The following VTI1A variants were observed in gnomAD, a reference collection of about 807,000 sequenced individuals.
The protein encoded by VTI1A is vesicle transport through interaction with t-SNAREs 1A, also known as vesicle transport through interaction with t-SNAREs homolog 1A.
In VTI1A, 22 loss-of-function variants were observed where a neutral mutation model predicts 34.9. The ratio of observed to expected loss-of-function variants is 0.63; its 90% CI spans 0.45 to 0.90. The LOEUF (loss-of-function observed/expected upper bound fraction) is 0.90. VTI1A is among the 40% of genes least tolerant of loss of function. The probability of loss-of-function intolerance (pLI) is 0.00; values close to 1 mark genes in which losing one functional copy is unlikely to be tolerated. For missense variants in VTI1A, 268 were observed against 275.6 expected (o/e 0.97, Z 0.20); for synonymous variants, 87 against 97.3 (o/e 0.89, Z 0.62).
chr10:112,510,282 A>T (rs146247992), intron 3 of VTI1A, among the ~76,000 whole-genome samples: 32 of 152,290 alleles, frequency 2.1e-4, no homozygotes, highest in Middle Eastern at 3.4e-3. Flanking sequence ...TCAATCTGGC[A>T]TTTATTCTTA....
At chr10:112,529,833 C>T (rs1589866338) in intron 4 of VTI1A, among the ~76,000 whole-genome samples, 1 of 151,954 alleles carries the variant, frequency 6.6e-6, no homozygotes, top group Admixed American at 6.5e-5. Flanking sequence ...ATGTAACATA[C>T]ACATCCTCCT....
intron 3 of VTI1A, among the ~76,000 whole-genome samples, chr10:112,508,039 G>A (rs1233592623): frequency 2.0e-5 from 3 of 151,902 alleles, no homozygotes; most frequent in Non-Finnish European, 4.4e-5. Context: ...TCTCCAGCTT[G>A]TATTTGTTAA....
rs191291486 is a variant in VTI1A, at chr10:112,480,065, A to G, written c.264+15408A>G. ...CTAAAGACAGCAAGAAAATAGCCCT[A>G]TAATTTAAAAGTTCCAAGTATTGTT... On this transcript the variant is annotated intron_variant, in intron 3 of 7. Transcript: ENST00000393077. 5.3e-5 allele frequency among the ~76,000 whole-genome samples: 8 copies of G among 152,350 alleles called. No homozygotes were observed. The East Asian group carries it at 1.5e-3, about 29-fold the overall frequency.
intron 7 of VTI1A, among the ~76,000 whole-genome samples, chr10:112,805,288 C>T (rs1197053734): frequency 6.6e-6 from 1 of 152,080 alleles, no homozygotes; most frequent in Admixed American, 6.6e-5. Flanking sequence ...TTGAAAAAAA[C>T]TCAAAAGAAG....
At chr10:112,447,148 A>G, upstream of VTI1A, 1 of 526,942 alleles carries the variant, frequency 1.9e-6, no homozygotes, top group Non-Finnish European at 3.4e-6. Context: ...GAACTTACTT[A>G]TCTTAAAGTC....
intron 5 of VTI1A, among the ~76,000 whole-genome samples, chr10:112,545,306 T>C (rs1030086459): frequency 6.6e-6 from 1 of 152,230 alleles, no homozygotes; most frequent in Admixed American, 6.5e-5. Flanking sequence ...AAATGGACAG[T>C]GGCCAGTCCC....
Position 112,621,629 on chromosome 10 carries a change from T to A in VTI1A, c.428-46589T>A, listed in dbSNP as rs117654079. 5.4e-3 allele frequency among the ~76,000 whole-genome samples: 821 copies of A among 152,330 alleles called. 1 individual carries two copies. Among genetic ancestry groups the A allele is most frequent in the Non-Finnish European group, 8.6e-3 (582 of 68,042 alleles). ...CCACCACACTGTACTACCTCTTAGA[T>A]TCATGTGTATCATTTCAGTGAGCAC... On this transcript the variant is annotated intron_variant, in intron 5 of 7. Transcript: ENST00000393077.
intron 7 of VTI1A, among the ~76,000 whole-genome samples, chr10:112,775,545 A>C (rs988687980): frequency 2.6e-5 from 4 of 152,282 alleles, no homozygotes; most frequent in Non-Finnish European, 2.9e-5. Context: ...GCTGCATTAC[A>C]AGTAGGATTC....
At chr10:112,497,350 G>A (rs1475971888) in intron 3 of VTI1A, among the ~76,000 whole-genome samples, 1 of 151,884 alleles carries the variant, frequency 6.6e-6, no homozygotes, top group Non-Finnish European at 1.5e-5. Context: ...TAAATAAAGT[G>A]ATACAACTTT....
At chr10:112,780,775 G>T (rs145049259) in intron 7 of VTI1A, among the ~76,000 whole-genome samples, 13 of 151,904 alleles carry the variant, frequency 8.6e-5, no homozygotes, top group Non-Finnish European at 1.8e-4. Context: ...GCACGATTCC[G>T]CCTCTGTTTC....
the VTI1A span, among the ~76,000 whole-genome samples, chr10:112,837,446 T>G: frequency 6.6e-6 from 1 of 152,242 alleles, no homozygotes; most frequent in Non-Finnish European, 1.5e-5. Context: ...CTCAGCCTGC[T>G]TGATTTCCAG....
At position 112,527,137 on chromosome 10, in the gene VTI1A, G is replaced by A. The variant is rs1296665682; in HGVS notation, c.315G>A (p.Gly105=). 1 of 1,613,436 alleles carries A rather than the reference G, an allele frequency of 6.2e-7. No homozygotes were observed. Among genetic ancestry groups the A allele is most frequent in the South Asian group, 1.1e-5 (1 of 90,960 alleles). The change falls in exon 4 of 8, where the codon GGG becomes GGA. Residue 105 remains glycine (G), a synonymous_variant. Coordinates refer to ENST00000393077, the MANE Select transcript of VTI1A (RefSeq NM_145206.4). ...ACGAAGTACGGAATGAGCTCCTGGG[G>A]GATGATGGGAATTCCTCAGAGAACC... ...YSDEVRNELL[G]DDGNSSENQR... is the part of the protein sequence containing the mutation.
chr10:112,472,201 G>A (rs897547182), intron 3 of VTI1A, among the ~76,000 whole-genome samples: 4 of 152,228 alleles, frequency 2.6e-5, no homozygotes, highest in Non-Finnish European at 5.9e-5. Context: ...TCTAGCCCCA[G>A]TCTCAAGTTC....
rs138091798 is a variant in VTI1A at position 112,664,368 on chromosome 10, C to T, written c.428-3850C>T. Among the ~76,000 whole-genome samples the T allele has an allele frequency of 4.8e-3, 723 of 151,944 alleles. 5 individuals carry two copies. The highest frequency in any genetic ancestry group is 0.017 in the African/African-American group (692 of 41,426). ...GAGAATATTTTGATCTGCTCACCTC[C>T]GAAATACAGGTCTTATAAATTTTTT... On this transcript the variant is annotated intron_variant, in intron 5 of 7. Coordinates refer to ENST00000393077, the MANE Select transcript of VTI1A (RefSeq NM_145206.4).
chr10:112,546,022 G>A (rs1244705860), intron 5 of VTI1A, among the ~76,000 whole-genome samples: 5 of 138,810 alleles, frequency 3.6e-5, no homozygotes, highest in African/African-American at 6.2e-5. Context: ...GTGTATATAC[G>A]TGTATACGCG....
intron 7 of VTI1A, among the ~76,000 whole-genome samples, chr10:112,675,332 A>G (rs1489049494): frequency 2.6e-5 from 4 of 152,220 alleles, no homozygotes; most frequent in Admixed American, 6.5e-5. Context: ...TACATAAGTC[A>G]TCTGCCTCCA....
rs957557262 is a variant in VTI1A at position 112,815,706 on chromosome 10, C to A, written c.*323C>A. On this transcript the variant is annotated 3_prime_UTR_variant, in exon 8 of 8. Transcript: ENST00000393077. ...CTAGCCCTCTGGACGTGTCAAGGGCCGTGGTTTGGGAGAGGACATGATGAG... is the reference window on the plus strand; with the variant it reads ...CTAGCCCTCTGGACGTGTCAAGGGCAGTGGTTTGGGAGAGGACATGATGAG... 1 of 316,454 alleles carries A rather than the reference C, an allele frequency of 3.2e-6. No individual in the cohort carries two copies. The highest frequency in any genetic ancestry group is 2.1e-5 in the African/African-American group (1 of 47,874). 19.6% of individuals were successfully genotyped at this position (316,454 alleles called of 1,614,324 possible).
chr10:112,656,778 C>G (rs1400366148), intron 5 of VTI1A, among the ~76,000 whole-genome samples: 1 of 151,984 alleles, frequency 6.6e-6, no homozygotes, highest in African/African-American at 2.4e-5. Flanking sequence ...CTTGATCATC[C>G]TTGATATGGT....
At chr10:112,636,946 AACATTTC>A (rs1190916052) in intron 5 of VTI1A, among the ~76,000 whole-genome samples, 17 of 152,184 alleles carry the variant, frequency 1.1e-4, no homozygotes, top group Admixed American at 4.6e-4. Context: ...GATCAGAGGA[AACATTTC>A]ACATTTCTTA....
Sources: gnomAD v4.1 joint callset for allele counts (sites outside exome capture counted in the v4.1 genomes callset) on GRCh38, gnomAD v4.1.1 for gene constraint, MANE v1.5 for transcripts, NCBI Gene and HGNC (gene_info 2026-07-23, HGNC 2026-07-21) for gene names.